The following HS6ST3 variants were observed in gnomAD, a reference collection of about 807,000 sequenced individuals.
The protein encoded by HS6ST3 is heparan-sulfate 6-O-sulfotransferase 3.
HS6ST3 carries 12 observed loss-of-function variants against 36.7 expected under a neutral mutation model. That is an observed-to-expected ratio of 0.33 (90% CI 0.21 to 0.53). The LOEUF is 0.53. Among genes scored for constraint, HS6ST3 ranks in the 20% least tolerant of loss-of-function variants. HS6ST3 has a pLI of 0.95. For missense variants in HS6ST3, 584 were observed against 640.9 expected (o/e 0.91, Z 0.96); for synonymous variants, 240 against 257.5 (o/e 0.93, Z 0.65).
intron 1 of HS6ST3, among the ~76,000 whole-genome samples, chr13:96,141,582 C>T (rs1381351443): frequency 6.6e-6 from 1 of 152,122 alleles, no homozygotes; most frequent in Non-Finnish European, 1.5e-5. Flanking sequence ...CCTGCCTCAG[C>T]CTCCCAGTGT....
chr13:96,680,477 C>A (rs760478335), intron 1 of HS6ST3, among the ~76,000 whole-genome samples: 1 of 151,998 alleles, frequency 6.6e-6, no homozygotes, highest in Non-Finnish European at 1.5e-5. Context: ...GTACCTGTAC[C>A]CTGGAGGACC....
intron 1 of HS6ST3, among the ~76,000 whole-genome samples, chr13:96,426,880 A>G (rs927022332): frequency 2.6e-5 from 4 of 152,212 alleles, no homozygotes; most frequent in African/African-American, 7.2e-5. Flanking sequence ...ATGACTGCCT[A>G]TCTTTTGCAA....
At chr13:96,333,004 C>G (rs748307718) in intron 1 of HS6ST3, among the ~76,000 whole-genome samples, 2 of 152,204 alleles carry the variant, frequency 1.3e-5, no homozygotes, top group Non-Finnish European at 2.9e-5. Flanking sequence ...GCAGGTCCTC[C>G]TTAGACACCA....
At position 96,837,072 on chromosome 13, in the gene HS6ST3, A is replaced by G. The variant is rs1053862504; in HGVS notation, c.*3874A>G. ...ATCTAGCTGCAAAGAAGGCTAGGGA[A>G]TGTCTTTATTATTGATTGTCATGTG... is the stretch of plus-strand genomic sequence containing the variant. On this transcript the variant is annotated 3_prime_UTR_variant, in exon 2 of 2. Transcript: ENST00000376705. 4.6e-5 allele frequency: 7 copies of G among 152,192 alleles called. No individual in the cohort carries two copies. Among genetic ancestry groups the G allele is most frequent in the Admixed American group, 1.3e-4 (2 of 15,278 alleles). The allele number at this position is 152,192 out of a possible 1,614,324, so 9.4% of individuals were successfully genotyped here.
At chr13:96,293,840 G>A (rs552865916) in intron 1 of HS6ST3, among the ~76,000 whole-genome samples, 1 of 152,182 alleles carries the variant, frequency 6.6e-6, no homozygotes, top group South Asian at 2.1e-4. Context: ...AAACTGATAA[G>A]CCACATCATC....
At chr13:96,536,632 C>T (rs2056156390) in intron 1 of HS6ST3, among the ~76,000 whole-genome samples, 1 of 152,164 alleles carries the variant, frequency 6.6e-6, no homozygotes, top group African/African-American at 2.4e-5. Context: ...GCTTGTGATA[C>T]TGGCTTTAGT....
chr13:96,801,151 A>T (rs1476131179), intron 1 of HS6ST3, among the ~76,000 whole-genome samples: 1 of 152,060 alleles, frequency 6.6e-6, no homozygotes, highest in East Asian at 1.9e-4. Flanking sequence ...CGGTCAGCAC[A>T]TTCAGTGTGT....
intron 1 of HS6ST3, among the ~76,000 whole-genome samples, chr13:96,378,416 A>C (rs775459816): frequency 1.3e-5 from 2 of 152,242 alleles, no homozygotes; most frequent in South Asian, 4.2e-4. Context: ...ATCTTAGAAG[A>C]ACTCTTCGTG....
chr13:96,487,943 C>T (rs2055923984), intron 1 of HS6ST3, among the ~76,000 whole-genome samples: 1 of 152,102 alleles, frequency 6.6e-6, no homozygotes, highest in African/African-American at 2.4e-5. Context: ...AGCTGTGTAC[C>T]ACCTGAGACT....
intron 1 of HS6ST3, among the ~76,000 whole-genome samples, chr13:96,592,848 T>G (rs935107497): frequency 6.6e-6 from 1 of 152,148 alleles, no homozygotes; most frequent in African/African-American, 2.4e-5. Context: ...TTTCTCTTGC[T>G]GCCTTTAGGA....
chr13:96,380,134 A>T (rs189411494), intron 1 of HS6ST3, among the ~76,000 whole-genome samples: 2 of 152,206 alleles, frequency 1.3e-5, no homozygotes, highest in Non-Finnish European at 2.9e-5. Flanking sequence ...TCTCTGCTTC[A>T]TAGAACATTC....
intron 1 of HS6ST3, among the ~76,000 whole-genome samples, chr13:96,291,631 T>A (rs931068996): frequency 7.9e-5 from 12 of 152,234 alleles, no homozygotes; most frequent in Admixed American, 2.6e-4. Context: ...AAAACAATTA[T>A]TCTCAGAAGA....
chr13:96,672,840 G>C (rs1404070910), intron 1 of HS6ST3, among the ~76,000 whole-genome samples: 1 of 152,042 alleles, frequency 6.6e-6, no homozygotes, highest in African/African-American at 2.4e-5. Context: ...CTATCTTTTA[G>C]TGTTTCTAAT....
intron 1 of HS6ST3, among the ~76,000 whole-genome samples, chr13:96,772,803 C>T (rs1049076825): frequency 6.6e-6 from 1 of 152,148 alleles, no homozygotes; most frequent in Non-Finnish European, 1.5e-5. Context: ...TATTGATTGC[C>T]ATCTTGAGAA....
At chr13:96,531,704 A>G (rs961887118) in intron 1 of HS6ST3, among the ~76,000 whole-genome samples, 2 of 152,208 alleles carry the variant, frequency 1.3e-5, no homozygotes, top group African/African-American at 4.8e-5. Context: ...TGAGACAACG[A>G]CAATCGTAAC....
At chr13:96,826,527 A>G (rs1272746432) in intron 1 of HS6ST3, among the ~76,000 whole-genome samples, 3 of 152,168 alleles carry the variant, frequency 2.0e-5, no homozygotes, top group Non-Finnish European at 4.4e-5. Flanking sequence ...GAGGGCAGAC[A>G]TGACCAAGAC....
At chr13:96,778,454 C>T (rs1877446413) in intron 1 of HS6ST3, among the ~76,000 whole-genome samples, 2 of 151,998 alleles carry the variant, frequency 1.3e-5, no homozygotes, top group African/African-American at 4.8e-5. Context: ...CTGGAATCTA[C>T]AATGAACTTA....
intron 1 of HS6ST3, among the ~76,000 whole-genome samples, chr13:96,405,685 A>G (rs978932226): frequency 7.2e-5 from 11 of 152,214 alleles, no homozygotes; most frequent in African/African-American, 2.7e-4. Flanking sequence ...CAAAAAGATT[A>G]CCTATAGCAT....
At chr13:96,544,226 G>A (rs549495501) in intron 1 of HS6ST3, among the ~76,000 whole-genome samples, 2 of 152,254 alleles carry the variant, frequency 1.3e-5, no homozygotes, top group South Asian at 4.1e-4. Context: ...CTAATTTGGG[G>A]ACTAACTCAC....
Sources: gnomAD v4.1 joint callset for allele counts (sites outside exome capture counted in the v4.1 genomes callset) on GRCh38, gnomAD v4.1.1 for gene constraint, MANE v1.5 for transcripts, NCBI Gene and HGNC (gene_info 2026-07-23, HGNC 2026-07-21) for gene names.